The following ZDHHC21 variants were observed in gnomAD, a reference collection of about 807,000 sequenced individuals.
The protein encoded by ZDHHC21 is palmitoyltransferase ZDHHC21.
A neutral mutation model predicts 34.6 loss-of-function variants in ZDHHC21; 15 were observed. That is an observed-to-expected ratio of 0.43 (90% CI 0.29 to 0.67). The LOEUF is 0.67. Ranked by LOEUF, ZDHHC21 falls within the 30% of genes least tolerant of loss-of-function variation. The pLI is 0.14. For missense variants in ZDHHC21, 344 were observed against 327.7 expected (o/e 1.05, Z -0.38); for synonymous variants, 142 against 101.8 (o/e 1.40, Z -2.38).
At chr9:14,640,128 ACCTCTC>A in intron 7 of ZDHHC21, 116 bp from the exon 8 acceptor site, 2 of 542,606 alleles carry the variant, frequency 3.7e-6, no homozygotes, top group Non-Finnish European at 6.6e-6. Flanking sequence ...TAAAAGAACT[ACCTCTC>A]CCTCTTTTAT....
chr9:14,668,520 C>A (rs1352501421), intron 5 of ZDHHC21, among the ~76,000 whole-genome samples: 1 of 134,972 alleles, frequency 7.4e-6, no homozygotes, highest in Non-Finnish European at 1.6e-5. Context: ...TCATATGGAA[C>A]CAAAAAAGAG....
chr9:14,614,379 T>C lies in ZDHHC21; in HGVS notation c.*4587A>G, dbSNP rs569525987. The C allele has an allele frequency of 1.9e-4, 29 of 151,892 alleles. No homozygotes were observed. The highest frequency in any genetic ancestry group is 3.4e-3 in the Middle Eastern group (1 of 294). 9.4% of individuals were successfully genotyped at this position (151,892 alleles called of 1,614,324 possible). A position where few individuals can be genotyped will look rare whatever the true frequency, so the allele number is the denominator to read the frequency against. ...AACATCTGAAGAACTGACAAAGATA[T>C]AGTGAGTTTTGTTGCTAAAAATTGC... On this transcript the variant is annotated 3_prime_UTR_variant, in exon 10 of 10. Transcript: ENST00000380916.
At chr9:14,669,455 G>A (rs1448169568) in intron 5 of ZDHHC21, among the ~76,000 whole-genome samples, 1 of 149,420 alleles carries the variant, frequency 6.7e-6, no homozygotes, top group Non-Finnish European at 1.5e-5. Context: ...CGATTCCTCA[G>A]GGATCTAGAA....
At chr9:14,682,231 A>C (rs1421366243) in intron 2 of ZDHHC21, among the ~76,000 whole-genome samples, 1 of 152,250 alleles carries the variant, frequency 6.6e-6, no homozygotes, top group Non-Finnish European at 1.5e-5. Context: ...CCCCAATTAA[A>C]AGACACAGAC....
chr9:14,680,433 A>G (rs1279881786), intron 2 of ZDHHC21, among the ~76,000 whole-genome samples: 1 of 152,176 alleles, frequency 6.6e-6, no homozygotes, highest in Non-Finnish European at 1.5e-5. Flanking sequence ...AATAAGCATT[A>G]TATGTCCAGT....
chr9:14,675,622 C>T (rs2131551287), intron 3 of ZDHHC21, among the ~76,000 whole-genome samples: 1 of 152,068 alleles, frequency 6.6e-6, no homozygotes, highest in East Asian at 1.9e-4. Context: ...CTCCACTACA[C>T]ACCTATCACT....
intron 7 of ZDHHC21, among the ~76,000 whole-genome samples, chr9:14,653,207 A>G (rs1831572509): frequency 6.6e-6 from 1 of 152,022 alleles, no homozygotes; most frequent in South Asian, 2.1e-4. Context: ...AGTTTTATAC[A>G]CATAATCAAC....
chr9:14,625,104 T>G (rs891291577), intron 8 of ZDHHC21, among the ~76,000 whole-genome samples: 5 of 119,724 alleles, frequency 4.2e-5, no homozygotes, highest in African/African-American at 1.2e-4. Flanking sequence ...TAACTTTAAA[T>G]TTTTCCATAG....
intron 2 of ZDHHC21, among the ~76,000 whole-genome samples, chr9:14,689,772 T>C (rs1042265634): frequency 3.3e-5 from 5 of 152,126 alleles, no homozygotes; most frequent in Non-Finnish European, 7.3e-5. Context: ...GTTTTTTGGG[T>C]ATGTTTGTCT....
chr9:14,589,297 A>T, the ZDHHC21 span: 1 of 152,190 alleles, frequency 6.6e-6, no homozygotes, highest in Admixed American at 6.5e-5. Flanking sequence ...AATTGGAGAA[A>T]ATGTATGAAA....
In ZDHHC21 at chr9:14,615,224, A is replaced by C. The variant is rs989026220; in HGVS notation, c.*3742T>G. On this transcript the variant is annotated 3_prime_UTR_variant, in exon 10 of 10. Coordinates refer to ENST00000380916, the MANE Select transcript of ZDHHC21 (RefSeq NM_178566.6). ...TCTTCATGATTAGCATTCAGAATTA[A>C]TACACCCTTTGGAGTGAAACATATC... is the stretch of plus-strand genomic sequence containing the variant. The C allele has an allele frequency of 1.3e-5, 2 of 151,704 alleles. No individual in the cohort carries two copies. Among genetic ancestry groups the C allele is most frequent in the Non-Finnish European group, 3.0e-5 (2 of 67,686 alleles). 9.4% of individuals were successfully genotyped at this position (151,704 alleles called of 1,614,324 possible).
At chr9:14,642,566 A>C (rs761618940) in intron 7 of ZDHHC21, among the ~76,000 whole-genome samples, 20 of 152,202 alleles carry the variant, frequency 1.3e-4, no homozygotes, top group Non-Finnish European at 2.4e-4. Context: ...TGAGGCCCTT[A>C]GGGTGGGCAC....
the ZDHHC21 span, among the ~76,000 whole-genome samples, chr9:14,598,423 C>T: frequency 1.3e-5 from 2 of 152,234 alleles, no homozygotes; most frequent in East Asian, 3.9e-4. Context: ...CCTACCCAAC[C>T]AACACTATAG....
chr9:14,663,985 C>G (rs1037681804), intron 5 of ZDHHC21, among the ~76,000 whole-genome samples: 2 of 152,108 alleles, frequency 1.3e-5, no homozygotes, highest in African/African-American at 4.8e-5. Context: ...AGTGTTAAAA[C>G]TTTGAATTCG....
intron 2 of ZDHHC21, among the ~76,000 whole-genome samples, chr9:14,686,329 C>G (rs975700136): frequency 5.9e-5 from 9 of 152,050 alleles, no homozygotes; most frequent in African/African-American, 2.4e-5. Flanking sequence ...AAAGGGCAGA[C>G]TAGGATGGCT....
chr9:14,604,349 C>A, the ZDHHC21 span, among the ~76,000 whole-genome samples: 1 of 151,922 alleles, frequency 6.6e-6, no homozygotes, highest in South Asian at 2.1e-4. Context: ...TAATGAATGG[C>A]CCAAATCTAC....
chr9:14,619,437 G>A (rs575739226), intron 9 of ZDHHC21, among the ~76,000 whole-genome samples: 6 of 152,086 alleles, frequency 3.9e-5, no homozygotes, highest in Non-Finnish European at 5.9e-5. Context: ...GCACAAGAAT[G>A]ATCAGCATTT....
chr9:14,681,584 G>A (rs1238452842), intron 2 of ZDHHC21, among the ~76,000 whole-genome samples: 1 of 152,112 alleles, frequency 6.6e-6, no homozygotes, highest in Non-Finnish European at 1.5e-5. Context: ...AGGAGGAAAA[G>A]ACACAATCTG....
rs34420387 is a variant in ZDHHC21 at position 14,623,672 on chromosome 9, CA to C, written c.622-3991del. On this transcript the variant is annotated intron_variant, in intron 8 of 9. Coordinates refer to ENST00000380916, the MANE Select transcript of ZDHHC21 (RefSeq NM_178566.6). ...AAAAAAAAAAAAAAGAGAGAGAAAACAAAAAAAATCTGATTCTAAAACAGAG... is the reference window on the plus strand; with the variant it reads ...AAAAAAAAAAAAAAGAGAGAGAAAACAAAAAAATCTGATTCTAAAACAGAG... Among the ~76,000 whole-genome samples the C allele has an allele frequency of 5.0e-3, 658 of 131,802 alleles. 2 individuals are homozygous for C. The highest frequency in any genetic ancestry group is 8.4e-3 in the Middle Eastern group (2 of 238). 86.5% of individuals were successfully genotyped at this position (131,802 alleles called of 152,430 possible). A position where few individuals can be genotyped will look rare whatever the true frequency, so the allele number is the denominator to read the frequency against.
Sources: gnomAD v4.1 joint callset for allele counts (sites outside exome capture counted in the v4.1 genomes callset) on GRCh38, gnomAD v4.1.1 for gene constraint, MANE v1.5 for transcripts, NCBI Gene and HGNC (gene_info 2026-07-23, HGNC 2026-07-21) for gene names.